STK32C: variants seen among roughly 807,000 people sequenced by gnomAD.
The protein encoded by STK32C is serine/threonine-protein kinase 32C.
In STK32C, 31 loss-of-function variants were observed where a neutral mutation model predicts 56.5. The ratio of observed to expected loss-of-function variants is 0.55; its 90% CI spans 0.41 to 0.74. The LOEUF (loss-of-function observed/expected upper bound fraction) is 0.74, where lower values mean the gene tolerates loss of function less well. Ranked by LOEUF, STK32C falls within the 30% of genes least tolerant of loss-of-function variation. The pLI, the probability that STK32C is intolerant of heterozygous loss-of-function variation, is 0.00. For synonymous variants in STK32C, 309 were observed against 289.4 expected, an observed-to-expected ratio of 1.07 and a Z score of -0.69; for missense variants, 544 against 676.9, an observed-to-expected ratio of 0.80 and a Z score of 2.18.
intron 2 of STK32C, among the ~76,000 whole-genome samples, chr10:132,239,475 C>T (rs1389848595): frequency 6.6e-6 from 1 of 152,248 alleles, no homozygotes; most frequent in Non-Finnish European, 1.5e-5. Flanking sequence ...GCTCCAAAGT[C>T]CCCAGGGGCA....
intron 10 of STK32C, 164 bp from the exon 11 acceptor site, chr10:132,209,265 C>T (rs1270791394): frequency 9.8e-6 from 7 of 715,356 alleles, no homozygotes; most frequent in Non-Finnish European, 1.8e-5. Flanking sequence ...CCAGACTGCC[C>T]GGGAGCTCGC....
At chr10:132,267,206 G>C (rs1043553457) in intron 1 of STK32C, among the ~76,000 whole-genome samples, 10 of 152,256 alleles carry the variant, frequency 6.6e-5, no homozygotes, top group Non-Finnish European at 1.0e-4. Context: ...TTTAGAAGCA[G>C]CAAGCCCAGT....
chr10:132,260,307 G>A (rs1023180549), intron 1 of STK32C, among the ~76,000 whole-genome samples: 14 of 152,258 alleles, frequency 9.2e-5, no homozygotes, highest in African/African-American at 2.4e-4. Context: ...CGGGGTCCTC[G>A]CAGGTGTCCG....
rs2062959880 is a variant in STK32C, at chr10:132,228,143, G to T, written c.319-15C>A. 3 of 1,613,896 alleles carry T rather than the reference G, an allele frequency of 1.9e-6. No homozygotes were observed. In the East Asian group the frequency reaches 6.7e-5, roughly 36 times the overall value. On this transcript the variant is annotated splice_polypyrimidine_tract_variant and intron_variant, in intron 2 of 11. Transcript: ENST00000298630. ...ACAATGCACACCTGGAGGGCACAGG[G>T]CTGTTCGGCAGGACGCCTGAGGACG...
chr10:132,249,180 T>A (rs1402289990), intron 1 of STK32C: 1 of 285,388 alleles, frequency 3.5e-6, no homozygotes, highest in African/African-American at 2.9e-5. Flanking sequence ...GCTATGGGGG[T>A]CAGGGCGTGT....
At position 132,255,469 on chromosome 10, in the gene STK32C, G is replaced by A. The variant is rs890264680; in HGVS notation, c.263-9514C>T. Among the ~76,000 whole-genome samples, 4 of 152,126 alleles carry A rather than the reference G, an allele frequency of 2.6e-5. No individual in the cohort carries two copies. Among genetic ancestry groups the A allele is most frequent in the South Asian group, 2.1e-4 (1 of 4,826 alleles). On this transcript the variant is annotated intron_variant, in intron 1 of 11. Coordinates refer to ENST00000298630, the MANE Select transcript of STK32C (RefSeq NM_173575.4). The surrounding 1 kb of genome is among the most constrained non-coding windows in gnomAD (Gnocchi z 4.6). ...GGGAACAAAGACCCACCACGCTGACGGGCAGGGTTGACGCAGATGGGGACA... is the reference window on the plus strand; with the variant it reads ...GGGAACAAAGACCCACCACGCTGACAGGCAGGGTTGACGCAGATGGGGACA...
chr10:132,275,156 G>A (rs187153115), intron 1 of STK32C, among the ~76,000 whole-genome samples: 47 of 152,330 alleles, frequency 3.1e-4, no homozygotes, highest in East Asian at 2.7e-3. Context: ...CAGCCCGTCT[G>A]GCCTCAGCCC....
At chr10:132,244,751 T>TGCC (rs532462604) in intron 2 of STK32C, among the ~76,000 whole-genome samples, 149 of 152,280 alleles carry the variant, frequency 9.8e-4, no homozygotes, top group African/African-American at 3.3e-3. Context: ...CCATCCTGCC[T>TGCC]GCCCCTCGTG....
At chr10:132,217,852 A>G (rs2062518467) in intron 10 of STK32C, among the ~76,000 whole-genome samples, 1 of 152,130 alleles carries the variant, frequency 6.6e-6, no homozygotes, top group African/African-American at 2.4e-5. Flanking sequence ...CTGTAAATCC[A>G]TTAAACCTTT....
chr10:132,264,302 G>C (rs2064417886), intron 1 of STK32C, among the ~76,000 whole-genome samples: 1 of 152,228 alleles, frequency 6.6e-6, no homozygotes, highest in African/African-American at 2.4e-5. Flanking sequence ...GTTGGCTGTA[G>C]GCTGCAGCCC....
intron 2 of STK32C, among the ~76,000 whole-genome samples, chr10:132,230,780 G>A (rs1015281830): frequency 4.0e-5 from 6 of 150,940 alleles, no homozygotes; most frequent in African/African-American, 1.2e-4. Flanking sequence ...GCTTTCTGTC[G>A]CTTGTGCACC....
chr10:132,236,355 G>A (rs1279505268), intron 2 of STK32C, among the ~76,000 whole-genome samples: 2 of 152,246 alleles, frequency 1.3e-5, no homozygotes, highest in East Asian at 1.9e-4. Context: ...CATGAGGTTC[G>A]CAGAAGGGGG....
chr10:132,325,931 C>A (rs1170173547), intron 1 of STK32C, among the ~76,000 whole-genome samples: 1 of 152,048 alleles, frequency 6.6e-6, no homozygotes, highest in Non-Finnish European at 1.5e-5. Context: ...CCGTGTTAGC[C>A]AGGATGTTAT....
downstream of STK32C, among the ~76,000 whole-genome samples, chr10:132,321,056 G>A (rs1466569521): frequency 6.6e-6 from 1 of 152,226 alleles, no homozygotes; most frequent in Non-Finnish European, 1.5e-5. Context: ...TCAGGTGGGA[G>A]GGAGCAGAGA....
upstream of STK32C, chr10:132,307,959 G>A: frequency 2.0e-6 from 2 of 1,019,918 alleles, no homozygotes; most frequent in South Asian, 3.3e-5. The surrounding 1 kb of genome is among the most constrained non-coding windows in gnomAD (Gnocchi z 4.4). Flanking sequence ...CTGGGCGGTG[G>A]AACCCGCCCC....
Position 132,249,614 on chromosome 10 carries a change from C to T in STK32C, c.263-3659G>A, listed in dbSNP as rs185549471. On this transcript the variant is annotated intron_variant, in intron 1 of 11. Transcript: ENST00000298630. ...GGGGCACTGGCAGGGGGCTGACCGG[C>T]ATCGTGGCTGTCCTCTGGATGACCG... Among the ~76,000 whole-genome samples the T allele has an allele frequency of 2.6e-5, 4 of 152,332 alleles. No individual in the cohort carries two copies. In the East Asian group the frequency reaches 7.7e-4, roughly 29 times the overall value.
intron 1 of STK32C, among the ~76,000 whole-genome samples, chr10:132,298,611 G>A (rs1469702083): frequency 1.4e-5 from 2 of 147,096 alleles, no homozygotes; most frequent in South Asian, 2.4e-4. Context: ...GGAGGGAGGG[G>A]AGCGCCCTGT....
At chr10:132,250,660 G>A (rs2063869059) in intron 1 of STK32C, among the ~76,000 whole-genome samples, 2 of 146,590 alleles carry the variant, frequency 1.4e-5, no homozygotes, top group Admixed American at 6.8e-5. Flanking sequence ...TGCAGAGAGG[G>A]GCCCCGCCCC....
chr10:132,286,218 T>G, intron 1 of STK32C, among the ~76,000 whole-genome samples: 1 of 151,898 alleles, frequency 6.6e-6, no homozygotes, highest in East Asian at 1.9e-4. Context: ...AGACACAAAT[T>G]ATCAAAACTA....
Sources: gnomAD v4.1 joint callset for allele counts (sites outside exome capture counted in the v4.1 genomes callset) on GRCh38, gnomAD v4.1.1 for gene constraint, Gnocchi (gnomAD v3.1) non-coding constraint, MANE v1.5 for transcripts, NCBI Gene and HGNC (gene_info 2026-07-23, HGNC 2026-07-21) for gene names.